The following TTYH2 variants were observed in gnomAD, a reference collection of about 807,000 sequenced individuals.
TTYH2 encodes the protein tweety family member 2.
TTYH2 carries 49 observed loss-of-function variants against 68.3 expected under a neutral mutation model. The ratio of observed to expected loss-of-function variants is 0.72; its 90% CI spans 0.57 to 0.91. TTYH2 has a LOEUF of 0.91. Ranked by LOEUF, TTYH2 falls within the 40% of genes least tolerant of loss-of-function variation. The pLI is 0.00. For missense variants in TTYH2, 631 were observed against 700.4 expected (o/e 0.90, Z 1.12); for synonymous variants, 272 against 300.8 (o/e 0.90, Z 0.99).
intron 6 of TTYH2, among the ~76,000 whole-genome samples, chr17:74,245,911 C>A (rs1416536935): frequency 6.6e-6 from 1 of 152,140 alleles, no homozygotes; most frequent in Admixed American, 6.5e-5. Flanking sequence ...CTACCCCTCC[C>A]TGTCCCTAGA....
chr17:74,214,367 C>A lies in TTYH2; in HGVS notation c.129+651C>A, dbSNP rs1232887825. On this transcript the variant is annotated intron_variant, in intron 1 of 13. Transcript: ENST00000269346. The surrounding 1 kb of genome is among the most constrained non-coding windows in gnomAD (Gnocchi z 4.6). ...AGGGAAGGAAGGTGGCCTCCGTCAG[C>A]CCATCTCACACTGTTGTCCTGAGGA... Among the ~76,000 whole-genome samples, 3 of 152,070 alleles carry A rather than the reference C, an allele frequency of 2.0e-5. No individual in the cohort carries two copies. Among genetic ancestry groups the A allele is most frequent in the African/African-American group, 4.8e-5 (2 of 41,388 alleles).
intron 11 of TTYH2, 38 bp from the exon 12 acceptor site, chr17:74,253,043 A>C (rs1598233519): frequency 6.2e-7 from 1 of 1,609,056 alleles, no homozygotes; most frequent in Non-Finnish European, 8.5e-7. Context: ...AGCCTCCTTC[A>C]CCCTTCACAG....
rs562190063 is a variant in TTYH2 at position 74,217,822 on chromosome 17, G to A, written c.129+4106G>A. Among the ~76,000 whole-genome samples the A allele has an allele frequency of 3.9e-5, 6 of 152,146 alleles. No homozygotes were observed. Among genetic ancestry groups the A allele is most frequent in the East Asian group, 1.9e-4 (1 of 5,184 alleles). ...CTTGGGTCCCAGCTTGGCACTCTCCGCTCTGGGTTTTTCATGACACAGTGA... is the reference window on the plus strand; with the variant it reads ...CTTGGGTCCCAGCTTGGCACTCTCCACTCTGGGTTTTTCATGACACAGTGA... On this transcript the variant is annotated intron_variant, in intron 1 of 13. Coordinates refer to ENST00000269346, the MANE Select transcript of TTYH2 (RefSeq NM_032646.6). This position sits in a 1 kb window ranked among gnomAD's most constrained non-coding sequence, Gnocchi z 4.0.
At position 74,215,798 on chromosome 17, in the gene TTYH2, G is replaced by A. The variant is rs558827593; in HGVS notation, c.129+2082G>A. ...AGTCACTAACAGAGTCAGGTGGACC[G>A]TCGGTCATCCCAGTCTTCAGCAAGC... On this transcript the variant is annotated intron_variant, in intron 1 of 13. Transcript: ENST00000269346. The surrounding 1 kb of genome is among the most constrained non-coding windows in gnomAD (Gnocchi z 4.3). 1.5e-5 allele frequency: 21 copies of A among 1,360,010 alleles called. No individual in the cohort carries two copies. The highest frequency in any genetic ancestry group is 1.2e-4 in the Admixed American group (6 of 50,344). The allele number at this position is 1,360,010 out of a possible 1,614,324, so 84.2% of individuals were successfully genotyped here. A position where few individuals can be genotyped will look rare whatever the true frequency, so the allele number is the denominator to read the frequency against.
At position 74,222,801 on chromosome 17, in the gene TTYH2, T is replaced by TA. The variant is rs1555597083; in HGVS notation, c.302+145dup. The stretch of plus-strand genomic sequence containing the variant: ...TGAATGTTGTCCCTTTTTTTTTTTT[T>TA]ACCAAGCATCAGGAATCAGATGCCT... On this transcript the variant is annotated intron_variant, in intron 2 of 13. Coordinates refer to ENST00000269346, the MANE Select transcript of TTYH2 (RefSeq NM_032646.6). This position sits in a 1 kb window ranked among gnomAD's most constrained non-coding sequence, Gnocchi z 5.2. 5.9e-5 allele frequency: 58 copies of TA among 986,618 alleles called. 1 individual carries two copies. The highest frequency in any genetic ancestry group is 6.8e-4 in the Middle Eastern group (2 of 2,936). 61.1% of individuals were successfully genotyped at this position (986,618 alleles called of 1,614,324 possible). A position where few individuals can be genotyped will look rare whatever the true frequency, so the allele number is the denominator to read the frequency against.
intron 13 of TTYH2, among the ~76,000 whole-genome samples, chr17:74,258,695 C>T (rs1176154134): frequency 6.6e-6 from 1 of 152,094 alleles, no homozygotes. Flanking sequence ...GCGTCATTCT[C>T]GGTGGGGGGT....
In TTYH2 at chr17:74,241,526, C is replaced by T. The variant is rs2050500873; in HGVS notation, c.636-1848C>T. Among the ~76,000 whole-genome samples, 1 of 152,122 alleles carries T rather than the reference C, an allele frequency of 6.6e-6. No homozygotes were observed. The highest frequency in any genetic ancestry group is 6.5e-5 in the Admixed American group (1 of 15,276). On this transcript the variant is annotated intron_variant, in intron 4 of 13. Transcript: ENST00000269346. The surrounding 1 kb of genome is among the most constrained non-coding windows in gnomAD (Gnocchi z 4.1). The stretch of plus-strand genomic sequence containing the variant: ...CTTCTTTTGGCAGTAAGCCTCAATT[C>T]GGGGAGTCAGAAAGAACCTCCCTTG...
intron 13 of TTYH2, 82 bp downstream of exon 13, chr17:74,253,915 A>G: frequency 1.4e-6 from 2 of 1,414,870 alleles, no homozygotes; most frequent in Admixed American, 3.4e-5. Context: ...CCTGTCCACA[A>G]AGGCAGAAAA....
chr17:74,258,652 C>T (rs560884682), intron 13 of TTYH2, among the ~76,000 whole-genome samples: 1 of 151,952 alleles, frequency 6.6e-6, no homozygotes, highest in East Asian at 1.9e-4. Flanking sequence ...GCTCTGAGGC[C>T]AGCTTCTTCA....
chr17:74,247,413 G>A (rs552068562), intron 6 of TTYH2, among the ~76,000 whole-genome samples: 1 of 152,164 alleles, frequency 6.6e-6, no homozygotes, highest in East Asian at 1.9e-4. Flanking sequence ...TAGGAGAGTT[G>A]ACTCCTCACT....
chr17:74,249,647 C>T (rs1398471119), intron 8 of TTYH2, among the ~76,000 whole-genome samples: 2 of 152,150 alleles, frequency 1.3e-5, no homozygotes, highest in Non-Finnish European at 2.9e-5. Flanking sequence ...GGGGTGGGGC[C>T]GAGATTCTGT....
At chr17:74,230,567 T>G (rs1470430766) in intron 2 of TTYH2, among the ~76,000 whole-genome samples, 1 of 151,978 alleles carries the variant, frequency 6.6e-6, no homozygotes, top group Non-Finnish European at 1.5e-5. Flanking sequence ...TGTGCGTGTG[T>G]GGGGCAGCAG....
At chr17:74,244,193 A>C (rs1326355318) in intron 6 of TTYH2, 144 bp downstream of exon 6, 2 of 749,762 alleles carry the variant, frequency 2.7e-6, no homozygotes, top group East Asian at 2.7e-5. Flanking sequence ...GCGTCATCTG[A>C]ACCGGCCCCT....
At chr17:74,221,980 C>G (rs2050280082) in intron 1 of TTYH2, among the ~76,000 whole-genome samples, 1 of 152,304 alleles carries the variant, frequency 6.6e-6, no homozygotes, top group African/African-American at 2.4e-5. Context: ...ATGGAAGAGG[C>G]AACAGATACA....
Position 74,213,740 on chromosome 17 carries a change from G to A in TTYH2, c.129+24G>A, listed in dbSNP as rs756606434. 3.7e-6 allele frequency: 6 copies of A among 1,604,196 alleles called. No individual in the cohort carries two copies. The African/African-American group carries it at 5.4e-5, about 14-fold the overall frequency. ...AGGTAAGTTTACGCCGCCCCAGACC[G>A]CAGCCACGCGCGCCCCAAGTCCCCG... is the stretch of plus-strand genomic sequence containing the variant. On this transcript the variant is annotated intron_variant, in intron 1 of 13. Transcript: ENST00000269346. This position sits in a 1 kb window ranked among gnomAD's most constrained non-coding sequence, Gnocchi z 6.1.
chr17:74,244,717 G>T (rs2050538092), intron 6 of TTYH2, among the ~76,000 whole-genome samples: 1 of 152,190 alleles, frequency 6.6e-6, no homozygotes, highest in Non-Finnish European at 1.5e-5. Flanking sequence ...TTTGCTGGGT[G>T]GCACTCGATG....
Position 74,253,805 on chromosome 17 carries a change from T to C in TTYH2, c.1496T>C (p.Leu499Pro), listed in dbSNP as rs760070722. Residue 499 changes from leucine (L) to proline (P), a missense_variant, in exon 13 of 14, where the codon CTA becomes CCA. Transcript: ENST00000269346. ...GRNPRYENVP[L>P]IGRASPPPTY... ...AACCCACGCTACGAGAACGTGCCAC[T>C]AATCGGGAGAGCCTCCCCTCCGCCT... 1.2e-6 allele frequency: 2 copies of C among 1,614,224 alleles called. No individual in the cohort carries two copies. The highest frequency in any genetic ancestry group is 2.2e-5 in the South Asian group (2 of 91,086).
intron 13 of TTYH2, 32 bp from the exon 14 acceptor site, chr17:74,260,097 C>T (rs371264250): frequency 2.5e-6 from 4 of 1,603,184 alleles, no homozygotes; most frequent in African/African-American, 1.3e-5. Flanking sequence ...GCTGACTCAG[C>T]TCTGACCATC....
intron 2 of TTYH2, among the ~76,000 whole-genome samples, chr17:74,229,043 G>C (rs1256072756): frequency 6.6e-6 from 1 of 152,144 alleles, no homozygotes; most frequent in Non-Finnish European, 1.5e-5. Flanking sequence ...GAAGATCCAG[G>C]GGGTGAGTGG....
Sources: gnomAD v4.1 joint callset for allele counts (sites outside exome capture counted in the v4.1 genomes callset) on GRCh38, gnomAD v4.1.1 for gene constraint, Gnocchi (gnomAD v3.1) non-coding constraint, MANE v1.5 for transcripts, NCBI Gene and HGNC (gene_info 2026-07-23, HGNC 2026-07-21) for gene names.